The following PDE4D variants were observed in gnomAD, a reference collection of about 807,000 sequenced individuals.
The protein encoded by PDE4D is 3',5'-cyclic-AMP phosphodiesterase 4D.
A neutral mutation model predicts 87.4 loss-of-function variants in PDE4D; 24 were observed. The observed-to-expected ratio is 0.27, with a 90% CI of 0.20 to 0.39. PDE4D has a LOEUF of 0.39. Ranked by LOEUF, PDE4D falls within the 10% of genes least tolerant of loss-of-function variation. The pLI is 1.00. For synonymous variants in PDE4D, 384 were observed against 383.2 expected (o/e 1.00, Z -0.02); for missense variants, 714 against 1,041.0 (o/e 0.69, Z 4.32).
intron 1 of PDE4D, among the ~76,000 whole-genome samples, chr5:60,197,000 T>C (rs1583040244): frequency 6.9e-6 from 1 of 144,668 alleles, no homozygotes; most frequent in East Asian, 2.0e-4. Flanking sequence ...TCTGCCTCTC[T>C]GGCAAAAACA....
At chr5:59,108,955 A>ATGTGTGTGTGTGTGTGTG (rs57004711) in intron 5 of PDE4D, among the ~76,000 whole-genome samples, 2 of 121,872 alleles carry the variant, frequency 1.6e-5, no homozygotes, top group Non-Finnish European at 3.4e-5. Flanking sequence ...TAGGAACTCA[A>ATGTGTGTGTGTGTGTGTG]TGTGTGTGTG....
chr5:60,100,728 A>G (rs563556924), intron 2 of PDE4D, among the ~76,000 whole-genome samples: 3 of 152,126 alleles, frequency 2.0e-5, no homozygotes, highest in Non-Finnish European at 4.4e-5. Context: ...CTGGAAGGTT[A>G]TATGAGTTTA....
intron 1 of PDE4D, among the ~76,000 whole-genome samples, chr5:59,338,558 A>T (rs1425405084): frequency 1.3e-5 from 2 of 152,198 alleles, no homozygotes. Flanking sequence ...GCACGTCATT[A>T]GCTTTTGAAA....
intron 3 of PDE4D, among the ~76,000 whole-genome samples, chr5:59,190,133 T>TA (rs1264124871): frequency 2.6e-5 from 4 of 152,234 alleles, no homozygotes; most frequent in African/African-American, 9.6e-5. Flanking sequence ...GACTCAGGCA[T>TA]AAAGAAATGA....
At chr5:59,290,431 G>A (rs1015193353) in intron 1 of PDE4D, among the ~76,000 whole-genome samples, 11 of 151,994 alleles carry the variant, frequency 7.2e-5, no homozygotes, top group African/African-American at 2.2e-4. Context: ...AAGTCAAAAT[G>A]GATGAAAGAC....
chr5:59,188,198 A>G (rs1743361185), intron 3 of PDE4D, among the ~76,000 whole-genome samples: 1 of 152,182 alleles, frequency 6.6e-6, no homozygotes, highest in African/African-American at 2.4e-5. Flanking sequence ...AATGCTTGCT[A>G]ACCAAAAAGA....
chr5:59,296,121 G>T (rs1015317655), intron 1 of PDE4D, among the ~76,000 whole-genome samples: 3 of 152,002 alleles, frequency 2.0e-5, no homozygotes, highest in African/African-American at 7.2e-5. Flanking sequence ...TTGGGGTCGG[G>T]GTGGTTACTA....
At chr5:59,313,184 G>GAA (rs940253500) in intron 1 of PDE4D, among the ~76,000 whole-genome samples, 1 of 152,104 alleles carries the variant, frequency 6.6e-6, no homozygotes, top group African/African-American at 2.4e-5. Context: ...TTAAATACAA[G>GAA]AACTGCCTAC....
chr5:60,086,247 A>C (rs1168733552), intron 2 of PDE4D, among the ~76,000 whole-genome samples: 2 of 152,214 alleles, frequency 1.3e-5, no homozygotes, highest in Non-Finnish European at 2.9e-5. Flanking sequence ...ATAAGATTGA[A>C]TATATGGAAG....
At chr5:60,159,060 AG>A (rs1782249157) in intron 2 of PDE4D, among the ~76,000 whole-genome samples, 1 of 152,168 alleles carries the variant, frequency 6.6e-6, no homozygotes, top group South Asian at 2.1e-4. Flanking sequence ...TTATTCTGTA[AG>A]TTTTTTCTAG....
At chr5:59,622,072 G>T (rs1830410296) in intron 1 of PDE4D, among the ~76,000 whole-genome samples, 1 of 152,112 alleles carries the variant, frequency 6.6e-6, no homozygotes, top group South Asian at 2.1e-4. Flanking sequence ...AAACTTGCCA[G>T]AAGTTAAACC....
intron 1 of PDE4D, among the ~76,000 whole-genome samples, chr5:59,460,676 G>A (rs1032992187): frequency 2.6e-5 from 4 of 152,138 alleles, no homozygotes; most frequent in African/African-American, 9.7e-5. Flanking sequence ...GAAAAAGGGA[G>A]CTGCAGCTTT....
At chr5:59,286,722 A>G (rs1767024944) in intron 1 of PDE4D, among the ~76,000 whole-genome samples, 1 of 152,172 alleles carries the variant, frequency 6.6e-6, no homozygotes, top group African/African-American at 2.4e-5. Context: ...CTGCACACTC[A>G]CATTCCCTGG....
intron 1 of PDE4D, among the ~76,000 whole-genome samples, chr5:60,432,647 G>C (rs1744442610): frequency 6.6e-6 from 1 of 152,156 alleles, no homozygotes. Context: ...AAAGAATAAA[G>C]CTGGAGGAAT....
At chr5:59,716,266 G>T (rs894725497) in intron 1 of PDE4D, among the ~76,000 whole-genome samples, 1 of 152,148 alleles carries the variant, frequency 6.6e-6, no homozygotes, top group Non-Finnish European at 1.5e-5. Flanking sequence ...GTCTGTAAAA[G>T]GTACAACTAC....
intron 1 of PDE4D, among the ~76,000 whole-genome samples, chr5:60,304,651 C>CAAA (rs70975379): frequency 1.2e-3 from 74 of 59,992 alleles, no homozygotes; most frequent in African/African-American, 2.3e-3. Context: ...GACTCCGTCT[C>CAAA]AAAAAAAAAA....
intron 1 of PDE4D, among the ~76,000 whole-genome samples, chr5:59,766,667 T>C (rs1403753290): frequency 6.6e-6 from 1 of 152,262 alleles, no homozygotes; most frequent in East Asian, 1.9e-4. Context: ...CCTGGCTCCG[T>C]AGGAACTCAT....
chr5:60,322,465 T>C (rs1756398300), intron 1 of PDE4D, among the ~76,000 whole-genome samples: 2 of 151,484 alleles, frequency 1.3e-5, no homozygotes, highest in Admixed American at 1.3e-4. Context: ...CACCTTTACC[T>C]CTCTTTCTTG....
chr5:60,289,676 G>A (rs1252245339), intron 1 of PDE4D, among the ~76,000 whole-genome samples: 1 of 152,304 alleles, frequency 6.6e-6, no homozygotes, highest in East Asian at 1.9e-4. Flanking sequence ...CAAATTAACA[G>A]TAGACAATGT....
Sources: allele counts gnomAD v4.1 joint callset (sites outside exome capture counted in the v4.1 genomes callset), GRCh38; gene constraint gnomAD v4.1.1; transcripts MANE v1.5; gene names NCBI Gene and HGNC (gene_info 2026-07-23, HGNC 2026-07-21).